Variants in KAT2B observed in about 807,000 individuals in gnomAD.
The protein encoded by KAT2B is lysine acetyltransferase 2B.
KAT2B carries 36 observed loss-of-function variants against 105.9 expected under a neutral mutation model. That is an observed-to-expected ratio of 0.34 (90% CI 0.26 to 0.45). KAT2B has a LOEUF of 0.45. KAT2B is among the 20% of genes least tolerant of loss of function. The probability of loss-of-function intolerance (pLI) is 1.00; values close to 1 mark genes in which losing one functional copy is unlikely to be tolerated. For missense variants in KAT2B, 820 were observed against 1,021.6 expected, an observed-to-expected ratio of 0.80 and a Z score of 2.69; for synonymous variants, 397 against 377.9, an observed-to-expected ratio of 1.05 and a Z score of -0.59.
chr3:20,044,775 A>G (rs997339510), intron 1 of KAT2B, among the ~76,000 whole-genome samples: 1 of 152,132 alleles, frequency 6.6e-6, no homozygotes, highest in African/African-American at 2.4e-5. Flanking sequence ...CCTGGTGCTT[A>G]TATTATGATT....
intron 5 of KAT2B, among the ~76,000 whole-genome samples, chr3:20,105,721 C>G (rs913968110): frequency 6.7e-6 from 1 of 148,620 alleles, no homozygotes; most frequent in Non-Finnish European, 1.5e-5. Flanking sequence ...TGCTTGAGCC[C>G]GGGAGGTCAA....
chr3:20,147,515 C>T (rs1463311120), intron 14 of KAT2B, among the ~76,000 whole-genome samples: 1 of 152,200 alleles, frequency 6.6e-6, no homozygotes, highest in Non-Finnish European at 1.5e-5. Flanking sequence ...ATCTGTCAGA[C>T]TCCAGGCTGT....
chr3:20,076,705 C>T (rs193291573), intron 2 of KAT2B, among the ~76,000 whole-genome samples: 51 of 152,272 alleles, frequency 3.3e-4, no homozygotes, highest in Admixed American at 2.8e-3. Context: ...AAGTTTCCTA[C>T]ATTTTTTCTT....
intron 1 of KAT2B, among the ~76,000 whole-genome samples, chr3:20,052,933 G>A (rs914120273): frequency 3.9e-5 from 6 of 152,196 alleles, no homozygotes; most frequent in East Asian, 1.9e-4. Flanking sequence ...CTGAGATTGC[G>A]CCACTGCACT....
chr3:20,044,426 A>ATAAC (rs1697771463), intron 1 of KAT2B, among the ~76,000 whole-genome samples: 1 of 151,304 alleles, frequency 6.6e-6, no homozygotes, highest in Non-Finnish European at 1.5e-5. Context: ...AAAAAAAAAA[A>ATAAC]TAAATAAATA....
At chr3:20,150,026 A>G (rs1241284146) in intron 17 of KAT2B, among the ~76,000 whole-genome samples, 1 of 152,178 alleles carries the variant, frequency 6.6e-6, no homozygotes. Context: ...ATCATAGCCT[A>G]CTTGCAGCCT....
intron 11 of KAT2B, among the ~76,000 whole-genome samples, chr3:20,129,176 A>G (rs575700735): frequency 4.6e-5 from 7 of 151,986 alleles, no homozygotes; most frequent in Non-Finnish European, 1.0e-4. Context: ...GAGGTTATAA[A>G]AGCACACATA....
chr3:20,088,866 A>G (rs1410586749), intron 2 of KAT2B, among the ~76,000 whole-genome samples: 4 of 152,194 alleles, frequency 2.6e-5, no homozygotes, highest in African/African-American at 9.7e-5. Context: ...GTAGTTTTAC[A>G]GTTTCAGGTC....
Position 20,140,330 on chromosome 3 carries a change from C to T in KAT2B, c.1970C>T (p.Thr657Ile), listed in dbSNP as rs1327604061. The T allele has an allele frequency of 6.2e-7, 1 of 1,613,934 alleles. No individual in the cohort carries two copies. The highest frequency in any genetic ancestry group is 8.5e-7 in the Non-Finnish European group (1 of 1,179,936). ...GCELNPRIPYTEFSVIIKKQK... is the reference protein window; with the variant it reads ...GCELNPRIPYIEFSVIIKKQK... ...GAGCTAAATCCACGGATCCCGTACA[C>T]AGAATTTTCTGTCATCATTAAAAAG... is the stretch of plus-strand genomic sequence containing the variant. Residue 657 changes from threonine (T) to isoleucine (I), a missense_variant, in exon 13 of 18, where the codon ACA (threonine) becomes ATA (isoleucine). Transcript: ENST00000263754.
At chr3:20,131,516 A>G (rs1699511151) in intron 11 of KAT2B, among the ~76,000 whole-genome samples, 1 of 152,186 alleles carries the variant, frequency 6.6e-6, no homozygotes, top group Non-Finnish European at 1.5e-5. Flanking sequence ...CAGTGGCTAT[A>G]GCATATATTA....
At chr3:20,072,928 T>G (rs1269413084) in intron 2 of KAT2B, among the ~76,000 whole-genome samples, 1 of 152,130 alleles carries the variant, frequency 6.6e-6, no homozygotes, top group Non-Finnish European at 1.5e-5. Context: ...ATCTGATAGC[T>G]CTTTCTTCAC....
At chr3:20,148,532 T>G (rs765679129) in intron 17 of KAT2B, 45 bp downstream of exon 17, 1 of 1,362,914 alleles carries the variant, frequency 7.3e-7, no homozygotes, top group African/African-American at 1.5e-5. Context: ...AAACTCTGGA[T>G]GGCGGTGTGG....
chr3:20,151,961 T>C (rs1559335580), intron 17 of KAT2B, among the ~76,000 whole-genome samples: 1 of 152,174 alleles, frequency 6.6e-6, no homozygotes. Context: ...TTCCACCTGC[T>C]CTACTCCATA....
intron 11 of KAT2B, among the ~76,000 whole-genome samples, chr3:20,135,976 T>C (rs979686839): frequency 6.6e-6 from 1 of 152,176 alleles, no homozygotes; most frequent in Non-Finnish European, 1.5e-5. Context: ...TTGGCCTACG[T>C]TGGCGGTGTT....
At chr3:20,094,025 C>T (rs898121307) in intron 2 of KAT2B, among the ~76,000 whole-genome samples, 1 of 152,058 alleles carries the variant, frequency 6.6e-6, no homozygotes, top group African/African-American at 2.4e-5. Context: ...AGTTTCAAAC[C>T]CTAGCTCTGC....
chr3:20,053,454 G>A (rs1425875774), intron 1 of KAT2B, among the ~76,000 whole-genome samples: 2 of 152,204 alleles, frequency 1.3e-5, no homozygotes, highest in African/African-American at 4.8e-5. Context: ...AGGATCACTT[G>A]AGTCCAGGAG....
Position 20,045,327 on chromosome 3 carries a change from ATTTAT to A in KAT2B, c.303+4550_303+4554del, listed in dbSNP as rs1355880337. Among the ~76,000 whole-genome samples the A allele has an allele frequency of 3.9e-4, 40 of 103,302 alleles. 1 individual carries two copies. Among genetic ancestry groups the A allele is most frequent in the Admixed American group, 2.5e-3 (28 of 11,350 alleles). The allele number at this position is 103,302 out of a possible 152,430, so 67.8% of individuals were successfully genotyped here. On this transcript the variant is annotated intron_variant, in intron 1 of 17. Transcript: ENST00000263754. ...GCCACTGCACCTGGCCTATTTATTT[ATTTAT>A]TTATTTATTTATTTATTTATTTATT...
intron 13 of KAT2B, among the ~76,000 whole-genome samples, chr3:20,140,987 T>C (rs987259873): frequency 3.9e-5 from 6 of 152,182 alleles, no homozygotes; most frequent in African/African-American, 1.4e-4. Flanking sequence ...TCTTATCTCT[T>C]TACTTTCATC....
chr3:20,150,877 CCCT>C, intron 17 of KAT2B, among the ~76,000 whole-genome samples: 2 of 139,402 alleles, frequency 1.4e-5, no homozygotes. Flanking sequence ...CTCCCCCTCC[CCCT>C]TTTTGGGGGG....
Sources: gnomAD v4.1 joint callset for allele counts (sites outside exome capture counted in the v4.1 genomes callset) on GRCh38, gnomAD v4.1.1 for gene constraint, MANE v1.5 for transcripts, NCBI Gene and HGNC (gene_info 2026-07-23, HGNC 2026-07-21) for gene names.